Variants in CNTN4 observed in about 807,000 individuals in gnomAD.
CNTN4 encodes the protein contactin 4.
A neutral mutation model predicts 122.5 loss-of-function variants in CNTN4; 77 were observed. The observed-to-expected ratio is 0.63, with a 90% CI of 0.52 to 0.76. The LOEUF (loss-of-function observed/expected upper bound fraction) is 0.76. CNTN4 is among the 30% of genes least tolerant of loss of function. The probability of loss-of-function intolerance (pLI) is 0.00; values close to 1 mark genes in which losing one functional copy is unlikely to be tolerated. For synonymous variants in CNTN4, 512 were observed against 447.0 expected, an observed-to-expected ratio of 1.15 and a Z score of -1.83; for missense variants, 1,256 against 1,259.1, an observed-to-expected ratio of 1.00 and a Z score of 0.04.
chr3:2,242,437 G>C (rs1285574839), intron 2 of CNTN4, among the ~76,000 whole-genome samples: 2 of 152,074 alleles, frequency 1.3e-5, no homozygotes, highest in Admixed American at 1.3e-4. Flanking sequence ...AAAGCACAAT[G>C]TTTTCTTCCA....
At chr3:2,108,105 G>A (rs1285452425) in intron 2 of CNTN4, among the ~76,000 whole-genome samples, 1 of 151,478 alleles carries the variant, frequency 6.6e-6, no homozygotes, top group African/African-American at 2.4e-5. Context: ...TCCTCCCCCA[G>A]GCTTGCAGAC....
intron 2 of CNTN4, among the ~76,000 whole-genome samples, chr3:2,241,341 G>A (rs1410825800): frequency 1.3e-5 from 2 of 152,038 alleles, no homozygotes; most frequent in Non-Finnish European, 2.9e-5. Context: ...TTACAATGCT[G>A]ACATCAAGAG....
intron 3 of CNTN4, among the ~76,000 whole-genome samples, chr3:2,518,330 A>G (rs1273219791): frequency 6.6e-6 from 1 of 151,888 alleles, no homozygotes; most frequent in Non-Finnish European, 1.5e-5. Context: ...TTATAATAGG[A>G]TTTTTTTTCC....
At chr3:2,405,448 G>C (rs952564617) in intron 3 of CNTN4, among the ~76,000 whole-genome samples, 2 of 152,148 alleles carry the variant, frequency 1.3e-5, no homozygotes, top group Non-Finnish European at 2.9e-5. Context: ...AAAAGTAAGA[G>C]TGCATGTCAA....
intron 3 of CNTN4, among the ~76,000 whole-genome samples, chr3:2,400,681 A>G (rs545915318): frequency 1.3e-5 from 2 of 150,758 alleles, no homozygotes; most frequent in South Asian, 4.2e-4. Flanking sequence ...AAAAGCCATG[A>G]CTATTATAAT....
At chr3:2,411,632 C>T (rs2047230119) in intron 3 of CNTN4, among the ~76,000 whole-genome samples, 1 of 152,114 alleles carries the variant, frequency 6.6e-6, no homozygotes, top group Non-Finnish European at 1.5e-5. Context: ...CGCTTCCCTG[C>T]CTGCTGCCTG....
At chr3:3,002,964 T>C (rs570314937) in intron 14 of CNTN4, among the ~76,000 whole-genome samples, 2 of 152,214 alleles carry the variant, frequency 1.3e-5, no homozygotes, top group South Asian at 2.1e-4. Flanking sequence ...GGTCATGCGA[T>C]GAGGACCTGA....
intron 3 of CNTN4, among the ~76,000 whole-genome samples, chr3:2,352,185 T>C (rs1281755862): frequency 6.6e-6 from 1 of 151,792 alleles, no homozygotes; most frequent in Non-Finnish European, 1.5e-5. Flanking sequence ...GGTCAGGAGA[T>C]TGAGACCATC....
At chr3:2,556,721 G>C (rs2078737685) in intron 3 of CNTN4, among the ~76,000 whole-genome samples, 1 of 151,812 alleles carries the variant, frequency 6.6e-6, no homozygotes, top group African/African-American at 2.4e-5. Context: ...ATATTATTTG[G>C]AAGTGTGATT....
intron 16 of CNTN4, among the ~76,000 whole-genome samples, chr3:3,032,890 A>C (rs965333252): frequency 6.6e-6 from 1 of 152,198 alleles, no homozygotes; most frequent in Non-Finnish European, 1.5e-5. Context: ...GTTGGTAAAC[A>C]TTCTGTAAGG....
At chr3:3,022,713 T>C (rs1559799474) in intron 14 of CNTN4, among the ~76,000 whole-genome samples, 1 of 152,164 alleles carries the variant, frequency 6.6e-6, no homozygotes, top group Non-Finnish European at 1.5e-5. Context: ...GAAAACACTG[T>C]AGAAAGTAAA....
At chr3:2,363,594 CAGTT>C (rs1460107360) in intron 3 of CNTN4, among the ~76,000 whole-genome samples, 1 of 151,990 alleles carries the variant, frequency 6.6e-6, no homozygotes, top group Non-Finnish European at 1.5e-5. Context: ...TAGGGTGTCT[CAGTT>C]AGTAATTCCT....
chr3:2,829,531 T>C (rs534195945), intron 7 of CNTN4, among the ~76,000 whole-genome samples: 19 of 152,348 alleles, frequency 1.2e-4, no homozygotes, highest in Middle Eastern at 3.4e-3. Flanking sequence ...GCTTCTCCTC[T>C]ACCAGATATG....
At chr3:2,810,662 C>G (rs2092583129) in intron 6 of CNTN4, among the ~76,000 whole-genome samples, 1 of 152,124 alleles carries the variant, frequency 6.6e-6, no homozygotes, top group Admixed American at 6.5e-5. Flanking sequence ...TTTGGTTATT[C>G]AAAACTCACA....
At chr3:2,760,651 T>C (rs530223177) in intron 6 of CNTN4, among the ~76,000 whole-genome samples, 2 of 152,232 alleles carry the variant, frequency 1.3e-5, no homozygotes, top group African/African-American at 2.4e-5. Flanking sequence ...CAAAGAAATA[T>C]GATGCTCACA....
At chr3:2,185,260 C>T (rs1010092448) in intron 2 of CNTN4, among the ~76,000 whole-genome samples, 1 of 152,138 alleles carries the variant, frequency 6.6e-6, no homozygotes, top group African/African-American at 2.4e-5. Flanking sequence ...TTCTTTGGGG[C>T]AGAAATGGGG....
At chr3:2,869,875 A>G (rs2093765724) in intron 8 of CNTN4, among the ~76,000 whole-genome samples, 2 of 152,246 alleles carry the variant, frequency 1.3e-5, no homozygotes, top group Admixed American at 1.3e-4. Flanking sequence ...GTCAAAAGCT[A>G]TCAGTGCTAT....
At chr3:2,429,387 C>T (rs1015585549) in intron 3 of CNTN4, among the ~76,000 whole-genome samples, 4 of 152,168 alleles carry the variant, frequency 2.6e-5, no homozygotes, top group African/African-American at 9.7e-5. Flanking sequence ...GCAGAGGCTG[C>T]GGAACAGCAA....
intron 7 of CNTN4, among the ~76,000 whole-genome samples, chr3:2,856,533 T>G (rs1487057093): frequency 6.6e-6 from 1 of 152,228 alleles, no homozygotes; most frequent in Non-Finnish European, 1.5e-5. Context: ...CTTAGCAGTA[T>G]AAACCTTTCT....
Sources: allele counts gnomAD v4.1 joint callset (sites outside exome capture counted in the v4.1 genomes callset), GRCh38; gene constraint gnomAD v4.1.1; transcripts MANE v1.5; gene names NCBI Gene and HGNC (gene_info 2026-07-23, HGNC 2026-07-21).